The following SYNDIG1 variants were observed in gnomAD, a reference collection of about 807,000 sequenced individuals.
SYNDIG1 encodes the protein synapse differentiation inducing 1.
SYNDIG1 carries 9 observed loss-of-function variants against 19.4 expected under a neutral mutation model. The observed-to-expected ratio is 0.46, with a 90% confidence interval of 0.28 to 0.81. The LOEUF (loss-of-function observed/expected upper bound fraction) is 0.81, where lower values mean the gene tolerates loss of function less well. SYNDIG1 is among the 30% of genes least tolerant of loss of function. SYNDIG1 has a pLI of 0.12. For synonymous variants in SYNDIG1, 141 were observed against 145.9 expected (o/e 0.97, Z 0.24); for missense variants, 311 against 343.3 (o/e 0.91, Z 0.74).
At chr20:24,648,243 T>G (rs1380984214) in intron 3 of SYNDIG1, among the ~76,000 whole-genome samples, 2 of 152,194 alleles carry the variant, frequency 1.3e-5, no homozygotes, top group African/African-American at 4.8e-5. Context: ...CAAACTCAGC[T>G]TCACTGAAGC....
chr20:24,666,136 T>G lies in SYNDIG1; in HGVS notation c.*632T>G, dbSNP rs901784338. 5 of 152,910 alleles carry G rather than the reference T, an allele frequency of 3.3e-5. No homozygotes were observed. Among genetic ancestry groups the G allele is most frequent in the African/African-American group, 1.2e-4 (5 of 41,428 alleles). 9.5% of individuals were successfully genotyped at this position (152,910 alleles called of 1,614,324 possible). ...CCTTCACACCACCCCAGCCTCAGGA[T>G]GTCAAGCCACCTCCGGAACGTGTCT... On this transcript the variant is annotated 3_prime_UTR_variant, in exon 4 of 4. Transcript: ENST00000376862.
intron 2 of SYNDIG1, among the ~76,000 whole-genome samples, chr20:24,549,029 A>G (rs578246222): frequency 2.0e-3 from 297 of 152,292 alleles, no homozygotes; most frequent in Non-Finnish European, 3.5e-3. Context: ...GGTAATTAGC[A>G]TATTCATTAT....
Position 24,543,533 on chromosome 20 carries a change from C to T in SYNDIG1, c.436C>T (p.Leu146=). 1.2e-6 allele frequency: 2 copies of T among 1,606,318 alleles called. No homozygotes were observed. Among genetic ancestry groups the T allele is most frequent in the Middle Eastern group, 1.6e-4 (1 of 6,062 alleles). The part of the protein sequence containing the change: ...LSADDIKIHT[L]SYDVEEEEEF... ...AGCTGATGACATAAAAATCCACACC[C>T]TGTCCTACGATGTGGAGGAGGAGGA... The change falls in exon 2 of 4, where the codon CTG becomes TTG. Residue 146 remains leucine (L), a synonymous_variant. Coordinates refer to ENST00000376862, the MANE Select transcript of SYNDIG1 (RefSeq NM_024893.3).
intron 1 of SYNDIG1, among the ~76,000 whole-genome samples, chr20:24,530,009 A>ATGGTGGTGGTGGTGGTG (rs1568614830): frequency 1.0e-4 from 1 of 9,848 alleles, no homozygotes; most frequent in African/African-American, 3.9e-4. Flanking sequence ...TGGTGGGGAT[A>ATGGTGGTGGTGGTGGTG]ATGATGGTGA....
At chr20:24,604,092 A>G (rs148991000) in intron 3 of SYNDIG1, among the ~76,000 whole-genome samples, 6 of 152,124 alleles carry the variant, frequency 3.9e-5, no homozygotes, top group African/African-American at 1.2e-4. Context: ...TCACAAAGAC[A>G]GACTTCTTTT....
intron 3 of SYNDIG1, among the ~76,000 whole-genome samples, chr20:24,590,730 C>T (rs1257302119): frequency 1.3e-5 from 2 of 152,158 alleles, no homozygotes; most frequent in African/African-American, 4.8e-5. Context: ...CTGTCGGCCT[C>T]TGCGTGGAGG....
intron 1 of SYNDIG1, among the ~76,000 whole-genome samples, chr20:24,527,092 C>G (rs1372111724): frequency 6.6e-6 from 1 of 152,174 alleles, no homozygotes; most frequent in Non-Finnish European, 1.5e-5. Flanking sequence ...GGCTTCTCTC[C>G]CAGGAGTTCT....
At chr20:24,571,522 CTT>C (rs2058144039) in intron 2 of SYNDIG1, among the ~76,000 whole-genome samples, 1 of 151,990 alleles carries the variant, frequency 6.6e-6, no homozygotes, top group African/African-American at 2.4e-5. Flanking sequence ...ATATATATAA[CTT>C]ATACATATAT....
At chr20:24,590,263 G>A (rs1445414767) in intron 3 of SYNDIG1, among the ~76,000 whole-genome samples, 2 of 151,970 alleles carry the variant, frequency 1.3e-5, no homozygotes, top group Admixed American at 1.3e-4. Flanking sequence ...AGCACGTGGG[G>A]CAGGTGGGGC....
intron 2 of SYNDIG1, among the ~76,000 whole-genome samples, chr20:24,556,193 T>G (rs1429559431): frequency 2.0e-5 from 3 of 152,194 alleles, no homozygotes; most frequent in Non-Finnish European, 4.4e-5. Context: ...TTGAGCCTAC[T>G]TGTGTCTCTG....
chr20:24,627,130 A>C (rs961237935), intron 3 of SYNDIG1, among the ~76,000 whole-genome samples: 1 of 136,788 alleles, frequency 7.3e-6, no homozygotes, highest in Non-Finnish European at 1.5e-5. Context: ...CCGTGGGGAG[A>C]GGGAGAGGGA....
intron 1 of SYNDIG1, among the ~76,000 whole-genome samples, chr20:24,475,582 C>T (rs1158099431): frequency 2.0e-5 from 3 of 152,166 alleles, no homozygotes; most frequent in Admixed American, 6.5e-5. Flanking sequence ...CTGGCCTGGG[C>T]TTGTAGTCAT....
chr20:24,664,004 C>T (rs887872029), intron 3 of SYNDIG1, among the ~76,000 whole-genome samples: 3 of 152,164 alleles, frequency 2.0e-5, no homozygotes, highest in African/African-American at 7.2e-5. Context: ...GGAGGCTTCC[C>T]ATTTTGCATC....
chr20:24,562,556 G>A (rs2057967244), intron 2 of SYNDIG1, among the ~76,000 whole-genome samples: 1 of 152,128 alleles, frequency 6.6e-6, no homozygotes, highest in African/African-American at 2.4e-5. Context: ...AAGGCATTGG[G>A]GTGTGAAATG....
chr20:24,616,289 G>C (rs2058931061), intron 3 of SYNDIG1, among the ~76,000 whole-genome samples: 1 of 152,158 alleles, frequency 6.6e-6, no homozygotes, highest in Non-Finnish European at 1.5e-5. Flanking sequence ...CTCTAAGAAG[G>C]TGAGGTTCCC....
chr20:24,534,468 C>G (rs1394729504), intron 1 of SYNDIG1, among the ~76,000 whole-genome samples: 1 of 152,204 alleles, frequency 6.6e-6, no homozygotes, highest in Non-Finnish European at 1.5e-5. Context: ...CTCTGCTGGC[C>G]TTTGCCTCAG....
chr20:24,559,851 C>G (rs1321510849), intron 2 of SYNDIG1, among the ~76,000 whole-genome samples: 1 of 151,614 alleles, frequency 6.6e-6, no homozygotes, highest in East Asian at 1.9e-4. Context: ...CTGATATTTC[C>G]TGTTCGGGAC....
intron 3 of SYNDIG1, among the ~76,000 whole-genome samples, chr20:24,648,186 GTCC>G (rs932756485): frequency 4.6e-5 from 7 of 152,194 alleles, no homozygotes; most frequent in African/African-American, 1.7e-4. Flanking sequence ...CATACATGCA[GTCC>G]ATAGCAGTTT....
At chr20:24,556,637 G>A (rs141307347) in intron 2 of SYNDIG1, among the ~76,000 whole-genome samples, 180 of 152,258 alleles carry the variant, frequency 1.2e-3, no homozygotes, top group African/African-American at 4.2e-3. Flanking sequence ...ATTGGCCCCC[G>A]CTGTCTTCTG....
Sources: allele counts gnomAD v4.1 joint callset (sites outside exome capture counted in the v4.1 genomes callset), GRCh38; gene constraint gnomAD v4.1.1; transcripts MANE v1.5; gene names NCBI Gene and HGNC (gene_info 2026-07-23, HGNC 2026-07-21).